Variants in OTUD7A observed in about 807,000 individuals in gnomAD.
OTUD7A encodes OTU deubiquitinase 7A, also known as OTU domain-containing protein 7A.
Under a neutral mutation model 65.7 loss-of-function variants are expected in OTUD7A, and 12 were observed. The ratio of observed to expected loss-of-function variants is 0.18; its 90% CI spans 0.12 to 0.30. The LOEUF (loss-of-function observed/expected upper bound fraction) is 0.30, where lower values mean the gene tolerates loss of function less well. Ranked by LOEUF, OTUD7A falls within the 10% of genes least tolerant of loss-of-function variation. OTUD7A has a pLI of 1.00. For synonymous variants in OTUD7A, 641 were observed against 586.3 expected, an observed-to-expected ratio of 1.09 and a Z score of -1.35; for missense variants, 1,148 against 1,304.8, an observed-to-expected ratio of 0.88 and a Z score of 1.85.
intron 8 of OTUD7A, among the ~76,000 whole-genome samples, chr15:31,506,493 C>G (rs2041570625): frequency 6.6e-6 from 1 of 152,030 alleles, no homozygotes; most frequent in Non-Finnish European, 1.5e-5. Flanking sequence ...GATTAAAGGA[C>G]TTACAAGGAA....
chr15:31,570,237 A>G (rs763867742), intron 3 of OTUD7A, 40 bp from the exon 4 acceptor site: 1 of 1,597,224 alleles, frequency 6.3e-7, no homozygotes, highest in Non-Finnish European at 8.6e-7. Context: ...ATACGAACGC[A>G]TGAATAACGG....
chr15:31,671,867 A>G (rs1892492540), intron 1 of OTUD7A, among the ~76,000 whole-genome samples: 1 of 152,266 alleles, frequency 6.6e-6, no homozygotes, highest in African/African-American at 2.4e-5. Context: ...TTTGCCACCC[A>G]GGTAATAAGC....
chr15:31,503,736 T>C lies in OTUD7A; in HGVS notation c.976A>G (p.Ile326Val). 1 of 1,614,160 alleles carries C rather than the reference T, an allele frequency of 6.2e-7. No individual in the cohort carries two copies. The highest frequency in any genetic ancestry group is 8.5e-7 in the Non-Finnish European group (1 of 1,180,010). ...AACATTGTATCTGCCACAACAACGA[T>C]GGGCCTTCTTAATATATGGGCTAGG... ...FVLAHILRRPIVVVADTMLRD... is the reference protein window; with the variant it reads ...FVLAHILRRPVVVVADTMLRD... Residue 326 changes from isoleucine (I) to valine (V), a missense_variant, in exon 9 of 13, where the codon ATC becomes GTC. Physicochemically the swap from Ile to Val is conservative, Grantham distance 29. This residue lies in a region of OTUD7A where 58 missense variants were observed against 131.4 expected (regional missense o/e 0.44). Coordinates refer to ENST00000307050, the MANE Select transcript of OTUD7A (RefSeq NM_001382637.1).
At chr15:31,746,785 C>G (rs1407467156) in intron 1 of OTUD7A, among the ~76,000 whole-genome samples, 1 of 152,212 alleles carries the variant, frequency 6.6e-6, no homozygotes, top group Non-Finnish European at 1.5e-5. Context: ...CATGAGCCAC[C>G]AGGCCCGGCC....
chr15:31,719,269 T>C (rs1258006346), intron 1 of OTUD7A, among the ~76,000 whole-genome samples: 3 of 151,924 alleles, frequency 2.0e-5, no homozygotes, highest in African/African-American at 7.3e-5. Flanking sequence ...AATCCCTCCT[T>C]CATTGTTGGC....
rs2041118824 is a variant in OTUD7A at position 31,481,513 on chromosome 15, C to T, written c.*1781G>A. On this transcript the variant is annotated 3_prime_UTR_variant, in exon 13 of 13. Coordinates refer to ENST00000307050, the MANE Select transcript of OTUD7A (RefSeq NM_001382637.1). ...GACATGGATGTTAGTACAGTAATTA[C>T]CACACATTGAAAATATTGTTCAGCA... is the stretch of plus-strand genomic sequence containing the variant. 2.0e-5 allele frequency: 3 copies of T among 152,080 alleles called. No homozygotes were observed. Among genetic ancestry groups the T allele is most frequent in the African/African-American group, 7.2e-5 (3 of 41,416 alleles). The allele number at this position is 152,080 out of a possible 1,614,324, so 9.4% of individuals were successfully genotyped here. A position where few individuals can be genotyped will look rare whatever the true frequency, so the allele number is the denominator to read the frequency against.
At chr15:31,842,622 CAA>C (rs35212919) in intron 1 of OTUD7A, among the ~76,000 whole-genome samples, 47,117 of 151,890 alleles carry the variant, frequency 0.31, 8,125 homozygotes, top group South Asian at 0.56. Context: ...TGCTATTTAA[CAA>C]TATCACAAAC....
rs35851025 is a variant in OTUD7A at position 31,676,694 on chromosome 15, A to T, written c.-99-19617T>A. Among the ~76,000 whole-genome samples the T allele has an allele frequency of 5.2e-3, 792 of 152,152 alleles. 7 individuals carry two copies. The highest frequency in any genetic ancestry group is 0.018 in the African/African-American group (764 of 41,486). On this transcript the variant is annotated intron_variant, in intron 1 of 12. Transcript: ENST00000307050. Reference sequence around the variant, plus strand: ...CTGTCTTGTGAAATTAAACATCTCCAACGAAGCTGAAAGCATCGCTAACTG... The same window carrying T: ...CTGTCTTGTGAAATTAAACATCTCCTACGAAGCTGAAAGCATCGCTAACTG...
chr15:31,554,051 G>A (rs1445695231), intron 5 of OTUD7A, among the ~76,000 whole-genome samples: 2 of 152,100 alleles, frequency 1.3e-5, no homozygotes, highest in Non-Finnish European at 2.9e-5. Context: ...CAGCTCAGGT[G>A]ACACTGGCTT....
intron 3 of OTUD7A, among the ~76,000 whole-genome samples, chr15:31,620,084 T>C (rs1448468028): frequency 6.6e-6 from 1 of 152,242 alleles, no homozygotes; most frequent in Non-Finnish European, 1.5e-5. Flanking sequence ...GATTTGTGTA[T>C]GTTGAACCAG....
chr15:31,549,090 C>T (rs141259628), intron 5 of OTUD7A, among the ~76,000 whole-genome samples: 3,587 of 148,048 alleles, frequency 0.024, 71 homozygotes, highest in Middle Eastern at 0.052. Context: ...GAGCTGACAT[C>T]GTGCCACTGC....
At chr15:31,584,196 T>C (rs1246968243) in intron 3 of OTUD7A, among the ~76,000 whole-genome samples, 1 of 152,226 alleles carries the variant, frequency 6.6e-6, no homozygotes, top group Non-Finnish European at 1.5e-5. Flanking sequence ...CCAGTTCCTT[T>C]AAGGAACCTC....
chr15:31,579,674 G>A (rs1595625291), intron 3 of OTUD7A, among the ~76,000 whole-genome samples: 2 of 152,132 alleles, frequency 1.3e-5, no homozygotes, highest in South Asian at 4.1e-4. Context: ...TGGATAAGGG[G>A]GGCTATTGTA....
At chr15:31,595,652 G>A (rs1453098177) in intron 3 of OTUD7A, among the ~76,000 whole-genome samples, 1 of 152,218 alleles carries the variant, frequency 6.6e-6, no homozygotes, top group Non-Finnish European at 1.5e-5. Flanking sequence ...TCACAGTTTT[G>A]TAGGCTGGAT....
At chr15:31,520,835 G>A (rs888470774) in intron 8 of OTUD7A, among the ~76,000 whole-genome samples, 2 of 152,130 alleles carry the variant, frequency 1.3e-5, no homozygotes, top group African/African-American at 4.8e-5. Flanking sequence ...ATACCTGCAT[G>A]TTTACTCTAA....
At chr15:31,492,977 G>A (rs1168567140) in intron 10 of OTUD7A, among the ~76,000 whole-genome samples, 1 of 152,074 alleles carries the variant, frequency 6.6e-6, no homozygotes, top group Non-Finnish European at 1.5e-5. Flanking sequence ...AGGCTGAGAT[G>A]GGTGGATCAC....
chr15:31,832,620 C>T (rs1432348962), intron 1 of OTUD7A, among the ~76,000 whole-genome samples: 3 of 152,292 alleles, frequency 2.0e-5, no homozygotes, highest in African/African-American at 7.2e-5. Flanking sequence ...CCCCCTCATC[C>T]CTCGTCGCCC....
chr15:31,660,100 T>C, intron 1 of OTUD7A, among the ~76,000 whole-genome samples: 1 of 152,292 alleles, frequency 6.6e-6, no homozygotes, highest in Non-Finnish European at 1.5e-5. Flanking sequence ...AAATGTACTG[T>C]TCTGGTATTG....
intron 3 of OTUD7A, among the ~76,000 whole-genome samples, chr15:31,588,359 G>A (rs1458662063): frequency 6.6e-6 from 1 of 152,168 alleles, no homozygotes; most frequent in Non-Finnish European, 1.5e-5. Flanking sequence ...AGACATGCAT[G>A]GCAACACGCT....
Sources: gnomAD v4.1 joint callset for allele counts (sites outside exome capture counted in the v4.1 genomes callset) on GRCh38, gnomAD v4.1.1 for gene constraint, gnomAD v4.1.1 regional missense constraint, MANE v1.5 for transcripts, NCBI Gene and HGNC (gene_info 2026-07-23, HGNC 2026-07-21) for gene names.